The following CAMKMT variants were observed in gnomAD, a reference collection of about 807,000 sequenced individuals.
The protein encoded by CAMKMT is calmodulin-lysine N-methyltransferase, also known as CaM KMT.
A neutral mutation model predicts 48.0 loss-of-function variants in CAMKMT; 53 were observed. The observed-to-expected ratio is 1.10, with a 90% CI of 0.89 to 1.39. The LOEUF (loss-of-function observed/expected upper bound fraction) is 1.39. Ranked by LOEUF, CAMKMT falls within the 40% of genes most tolerant of loss-of-function variation. The pLI, the probability that CAMKMT is intolerant of heterozygous loss-of-function variation, is 0.00. For missense variants in CAMKMT, 428 were observed against 402.7 expected (o/e 1.06, Z -0.54); for synonymous variants, 165 against 152.3 (o/e 1.08, Z -0.61).
At chr2:44,559,070 AAATT>A (rs1668185806) in intron 3 of CAMKMT, among the ~76,000 whole-genome samples, 2 of 152,152 alleles carry the variant, frequency 1.3e-5, no homozygotes, top group African/African-American at 4.8e-5. Flanking sequence ...ATCCAAAATA[AAATT>A]AATTCTCAGT....
intron 3 of CAMKMT, among the ~76,000 whole-genome samples, chr2:44,451,906 T>G (rs1210512966): frequency 6.6e-6 from 1 of 151,838 alleles, no homozygotes; most frequent in Non-Finnish European, 1.5e-5. Flanking sequence ...CCAAAAACCT[T>G]ATTCCATTTT....
intron 3 of CAMKMT, among the ~76,000 whole-genome samples, chr2:44,397,041 A>T (rs556744883): frequency 7.0e-6 from 1 of 143,842 alleles, no homozygotes; most frequent in Non-Finnish European, 1.5e-5. Flanking sequence ...CCCAGGCGAC[A>T]GAGTGAGACT....
intron 3 of CAMKMT, among the ~76,000 whole-genome samples, chr2:44,496,013 GT>G (rs1405733582): frequency 6.6e-6 from 1 of 152,112 alleles, no homozygotes; most frequent in Admixed American, 6.5e-5. Context: ...AGAGTATTTA[GT>G]TTTTTTCCCT....
chr2:44,590,556 C>T (rs1004875448), intron 3 of CAMKMT, among the ~76,000 whole-genome samples: 49 of 152,152 alleles, frequency 3.2e-4, no homozygotes, highest in South Asian at 1.5e-3. Flanking sequence ...AAATGTCTTC[C>T]TTTGAGAAGT....
chr2:44,554,940 A>C (rs1267501788), intron 3 of CAMKMT, among the ~76,000 whole-genome samples: 1 of 152,182 alleles, frequency 6.6e-6, no homozygotes, highest in Non-Finnish European at 1.5e-5. Flanking sequence ...TATTTAAAGC[A>C]GAATGGATGA....
intron 3 of CAMKMT, among the ~76,000 whole-genome samples, chr2:44,629,761 G>C (rs1377103502): frequency 6.6e-6 from 1 of 152,142 alleles, no homozygotes; most frequent in Non-Finnish European, 1.5e-5. Flanking sequence ...CAAACAAATG[G>C]AAGAACATTC....
chr2:44,711,944 A>G (rs1029483704), intron 6 of CAMKMT, among the ~76,000 whole-genome samples: 1 of 152,128 alleles, frequency 6.6e-6, no homozygotes, highest in Non-Finnish European at 1.5e-5. Flanking sequence ...TTTTCGACTT[A>G]AACCATTCTG....
intron 3 of CAMKMT, among the ~76,000 whole-genome samples, chr2:44,554,407 AT>A (rs1205588959): frequency 6.6e-6 from 1 of 152,098 alleles, no homozygotes; most frequent in African/African-American, 2.4e-5. Flanking sequence ...TCTGTGCCTC[AT>A]TTTTCATACA....
At chr2:44,610,944 T>G (rs1029705023) in intron 3 of CAMKMT, among the ~76,000 whole-genome samples, 2 of 152,148 alleles carry the variant, frequency 1.3e-5, no homozygotes, top group African/African-American at 4.8e-5. Context: ...CTATAGACAT[T>G]TAACAAATTG....
intron 2 of CAMKMT, among the ~76,000 whole-genome samples, chr2:44,378,845 GCCTTTT>G (rs1475652319): frequency 6.6e-6 from 1 of 152,042 alleles, no homozygotes; most frequent in African/African-American, 2.4e-5. Flanking sequence ...TTCTTCTGCA[GCCTTTT>G]AGGACCCACT....
chr2:44,608,095 C>T (rs112675786), intron 3 of CAMKMT, among the ~76,000 whole-genome samples: 3 of 114,708 alleles, frequency 2.6e-5, no homozygotes, highest in East Asian at 2.5e-4. Context: ...TTTTTTGAGA[C>T]GGAGTCTTGC....
chr2:44,440,700 A>T (rs974785081), intron 3 of CAMKMT, among the ~76,000 whole-genome samples: 5 of 152,182 alleles, frequency 3.3e-5, no homozygotes, highest in Non-Finnish European at 5.9e-5. Context: ...GAGTATTTCT[A>T]TCAGAAAGAT....
At chr2:44,425,014 T>C (rs1289984392) in intron 3 of CAMKMT, among the ~76,000 whole-genome samples, 1 of 152,234 alleles carries the variant, frequency 6.6e-6, no homozygotes, top group East Asian at 1.9e-4. Flanking sequence ...AGTACCCGTT[T>C]TGATAAATAG....
chr2:44,696,295 A>G (rs1223585432), intron 3 of CAMKMT, among the ~76,000 whole-genome samples: 1 of 152,184 alleles, frequency 6.6e-6, no homozygotes, highest in Non-Finnish European at 1.5e-5. Context: ...TATATTGGAT[A>G]TGCATGCAAA....
chr2:44,463,980 A>G (rs1374249510), intron 3 of CAMKMT, among the ~76,000 whole-genome samples: 3 of 152,186 alleles, frequency 2.0e-5, no homozygotes, highest in African/African-American at 7.2e-5. Context: ...ATAAATCTCC[A>G]TTAACTGACT....
chr2:44,545,919 A>G (rs1184712485), intron 3 of CAMKMT, among the ~76,000 whole-genome samples: 1 of 152,102 alleles, frequency 6.6e-6, no homozygotes, highest in African/African-American at 2.4e-5. Context: ...TGATCCTTTG[A>G]TGAACAAGCT....
chr2:44,592,520 C>A (rs1161128655), intron 3 of CAMKMT, among the ~76,000 whole-genome samples: 1 of 152,188 alleles, frequency 6.6e-6, no homozygotes, highest in East Asian at 1.9e-4. Context: ...GTTCAAGTAA[C>A]CCTTATTTTA....
At chr2:44,457,733 A>G (rs1035469821) in intron 3 of CAMKMT, among the ~76,000 whole-genome samples, 1 of 152,164 alleles carries the variant, frequency 6.6e-6, no homozygotes, top group Non-Finnish European at 1.5e-5. Context: ...CTAGTGTACA[A>G]GAGTCTTTGA....
At chr2:44,716,839 A>G (rs1678199200) in intron 7 of CAMKMT, among the ~76,000 whole-genome samples, 1 of 152,188 alleles carries the variant, frequency 6.6e-6, no homozygotes, top group Admixed American at 6.5e-5. Flanking sequence ...AGTGTATTTC[A>G]GCATATGGAA....
Sources: gnomAD v4.1 joint callset for allele counts (sites outside exome capture counted in the v4.1 genomes callset) on GRCh38, gnomAD v4.1.1 for gene constraint, MANE v1.5 for transcripts, NCBI Gene and HGNC (gene_info 2026-07-23, HGNC 2026-07-21) for gene names.